The following WDR43 variants were observed in gnomAD, a reference collection of about 807,000 sequenced individuals.
WDR43 encodes the protein WD repeat-containing protein 43.
Under a neutral mutation model 91.4 loss-of-function variants are expected in WDR43, and 13 were observed. The ratio of observed to expected loss-of-function variants is 0.14; its 90% confidence interval spans 0.09 to 0.23. The LOEUF (loss-of-function observed/expected upper bound fraction) is 0.23, where lower values mean the gene tolerates loss of function less well. Ranked by LOEUF, WDR43 falls within the 10% of genes least tolerant of loss-of-function variation. The pLI is 1.00. For missense variants in WDR43, 780 were observed against 809.4 expected, an observed-to-expected ratio of 0.96 and a Z score of 0.44; for synonymous variants, 331 against 287.9, an observed-to-expected ratio of 1.15 and a Z score of -1.51.
intron 3 of WDR43, 104 bp downstream of exon 3, chr2:28,906,685 A>C: frequency 9.5e-6 from 13 of 1,363,714 alleles, no homozygotes; most frequent in Non-Finnish European, 1.2e-5. Flanking sequence ...TTTACAAAGA[A>C]CTTTTAATCA....
chr2:28,947,552 T>C lies in WDR43; in HGVS notation c.*773T>C, dbSNP rs2148203632. On this transcript the variant is annotated 3_prime_UTR_variant, in exon 18 of 18. Coordinates refer to ENST00000407426, the MANE Select transcript of WDR43 (RefSeq NM_015131.3). Reference sequence around the variant, plus strand: ...TAGAAGTGCTCATTACCTGCAACTTTTAAAAAAAATTCAGTTATAGCTGCT... The same window carrying C: ...TAGAAGTGCTCATTACCTGCAACTTCTAAAAAAAATTCAGTTATAGCTGCT... The C allele has an allele frequency of 6.6e-6, 1 of 152,286 alleles. No individual in the cohort carries two copies. Among genetic ancestry groups the C allele is most frequent in the Non-Finnish European group, 1.5e-5 (1 of 68,016 alleles). 9.4% of individuals were successfully genotyped at this position (152,286 alleles called of 1,614,324 possible). A position where few individuals can be genotyped will look rare whatever the true frequency, so the allele number is the denominator to read the frequency against.
At chr2:28,930,687 G>A (rs188193701) in intron 11 of WDR43, among the ~76,000 whole-genome samples, 78 of 152,282 alleles carry the variant, frequency 5.1e-4, no homozygotes, top group Middle Eastern at 3.4e-3. Context: ...CCCTCATTGC[G>A]TTCTAATTAT....
chr2:28,927,446 T>A, intron 9 of WDR43, 123 bp from the exon 10 acceptor site: 5 of 1,137,376 alleles, frequency 4.4e-6, no homozygotes, highest in Non-Finnish European at 6.1e-6. Flanking sequence ...TAAATTGATA[T>A]CAAGTTAATT....
intron 11 of WDR43, among the ~76,000 whole-genome samples, chr2:28,931,077 C>CT (rs777986889): frequency 0.016 from 2,146 of 137,758 alleles, 30 homozygotes; most frequent in Non-Finnish European, 0.023. Flanking sequence ...TTTATTTCTG[C>CT]TTTTTTTTTT....
At chr2:28,924,037 A>T (rs1200717979) in intron 7 of WDR43, among the ~76,000 whole-genome samples, 1 of 152,168 alleles carries the variant, frequency 6.6e-6, no homozygotes, top group Non-Finnish European at 1.5e-5. Context: ...GTAAGTTGGA[A>T]AGATAGGGAT....
intron 6 of WDR43, among the ~76,000 whole-genome samples, chr2:28,918,438 G>A (rs1354069995): frequency 6.6e-6 from 1 of 151,820 alleles, no homozygotes; most frequent in African/African-American, 2.4e-5. Context: ...GCACGGTCGC[G>A]ACTAACCACG....
intron 1 of WDR43, among the ~76,000 whole-genome samples, chr2:28,901,406 G>C (rs762367647): frequency 6.6e-6 from 1 of 152,232 alleles, no homozygotes; most frequent in Non-Finnish European, 1.5e-5. Context: ...TGACCAGTCA[G>C]TGGGGCAACT....
At chr2:28,902,484 A>C (rs1670596127) in intron 2 of WDR43, among the ~76,000 whole-genome samples, 1 of 152,228 alleles carries the variant, frequency 6.6e-6, no homozygotes, top group Non-Finnish European at 1.5e-5. Context: ...TTTAGGGGCA[A>C]GTGTTGTGCT....
chr2:28,897,983 A>C (rs1670512658), intron 1 of WDR43, among the ~76,000 whole-genome samples: 1 of 152,200 alleles, frequency 6.6e-6, no homozygotes. Context: ...ATCTAGATGG[A>C]TGCTGTTTTT....
intron 4 of WDR43, 181 bp from the exon 5 acceptor site, chr2:28,913,888 A>G (rs1251405534): frequency 2.5e-6 from 2 of 789,282 alleles, no homozygotes; most frequent in African/African-American, 3.5e-5. Context: ...GATTTTTTTA[A>G]AAAGTGGGAG....
chr2:28,927,358 G>C (rs1028104217), intron 9 of WDR43: 1 of 581,270 alleles, frequency 1.7e-6, no homozygotes. Context: ...ACTCTTATGT[G>C]GTATTGTAAG....
rs745800260 is a variant in WDR43, at chr2:28,929,662, A to T, written c.1389A>T (p.Pro463=). The part of the protein sequence containing the change: ...GKEDLQTNSF[P]VLLTQGLESN... The stretch of plus-strand genomic sequence containing the variant: ...AAGACCTCCAGACGAATAGCTTTCC[A>T]GTTCTTCTTACCCAGGGCTTAGAAA... The change falls in exon 11 of 18, where the codon CCA becomes CCT. Residue 463 remains proline, a synonymous_variant. Transcript: ENST00000407426. 111 of 1,613,736 alleles carry T rather than the reference A, an allele frequency of 6.9e-5. No homozygotes were observed. The highest frequency in any genetic ancestry group is 4.1e-5 in the Non-Finnish European group (48 of 1,179,814).
At chr2:28,937,712 G>T (rs562462372) in intron 13 of WDR43, among the ~76,000 whole-genome samples, 1 of 152,262 alleles carries the variant, frequency 6.6e-6, no homozygotes, top group South Asian at 2.1e-4. Flanking sequence ...CCTGTTTTCT[G>T]ATGTGGCCCC....
chr2:28,941,382 T>C (rs1671432802), intron 14 of WDR43, 79 bp from the exon 15 acceptor site: 1 of 1,094,656 alleles, frequency 9.1e-7, no homozygotes, highest in South Asian at 1.4e-5. Flanking sequence ...GGCTAAATAC[T>C]GAGGCATAGC....
intron 11 of WDR43, among the ~76,000 whole-genome samples, chr2:28,931,077 C>CTT (rs777986889): frequency 0.15 from 21,343 of 137,698 alleles, 2,107 homozygotes; most frequent in Non-Finnish European, 0.23. Context: ...TTTATTTCTG[C>CTT]TTTTTTTTTT....
At position 28,901,998 on chromosome 2, in the gene WDR43, G is replaced by C; in HGVS notation, c.237G>C (p.Gln79His). The C allele has an allele frequency of 6.3e-7, 1 of 1,590,892 alleles. No homozygotes were observed. Among genetic ancestry groups the C allele is most frequent in the Non-Finnish European group, 8.5e-7 (1 of 1,174,350 alleles). The change falls in exon 2 of 18, where the codon CAG becomes CAC. Residue 79 changes from glutamine (Q) to histidine (H), a missense_variant. Around this residue, in one of 4 missense-constraint regions of WDR43, gnomAD observed 175 missense variants for 113.8 expected, o/e 1.54. Coordinates refer to ENST00000407426, the MANE Select transcript of WDR43 (RefSeq NM_015131.3). ...PARLQAKESPQRKKRKSEAVG... is the reference protein window; with the variant it reads ...PARLQAKESPHRKKRKSEAVG... Reference sequence around the variant, plus strand: ...TTCTTTTTTTCCAGGAAAGTCCCCAGAGGAAAAAAAGGAAATCAGAAGCTG... The same window carrying C: ...TTCTTTTTTTCCAGGAAAGTCCCCACAGGAAAAAAAGGAAATCAGAAGCTG...
At chr2:28,903,814 T>C (rs961322956) in intron 2 of WDR43, among the ~76,000 whole-genome samples, 2 of 151,778 alleles carry the variant, frequency 1.3e-5, no homozygotes, top group African/African-American at 4.8e-5. Flanking sequence ...GAAGACTTAT[T>C]TTTTTTTAAA....
At chr2:28,900,771 A>T (rs1017172901) in intron 1 of WDR43, among the ~76,000 whole-genome samples, 1 of 152,224 alleles carries the variant, frequency 6.6e-6, no homozygotes, top group Non-Finnish European at 1.5e-5. Flanking sequence ...GTTTATTAGT[A>T]CATTTCTAAG....
At chr2:28,923,074 T>G (rs1671067095) in intron 7 of WDR43, 91 bp downstream of exon 7, 1 of 1,089,672 alleles carries the variant, frequency 9.2e-7, no homozygotes, top group African/African-American at 1.6e-5. Flanking sequence ...TTGCATCATA[T>G]TACTATTCAG....
Sources: allele counts gnomAD v4.1 joint callset (sites outside exome capture counted in the v4.1 genomes callset), GRCh38; gene constraint gnomAD v4.1.1; regional missense constraint gnomAD v4.1.1; transcripts MANE v1.5; gene names NCBI Gene and HGNC (gene_info 2026-07-23, HGNC 2026-07-21).